Variants in DPP6 observed in about 807,000 individuals in gnomAD.
DPP6 encodes A-type potassium channel modulatory protein DPP6.
In DPP6, 69 loss-of-function variants were observed where a neutral mutation model predicts 122.6. The ratio of observed to expected loss-of-function variants is 0.56; its 90% CI spans 0.46 to 0.69. The LOEUF (loss-of-function observed/expected upper bound fraction) is 0.69. Among genes scored for constraint, DPP6 ranks in the 30% least tolerant of loss-of-function variants. The probability of loss-of-function intolerance (pLI) is 0.00; values close to 1 mark genes in which losing one functional copy is unlikely to be tolerated. For missense variants in DPP6, 928 were observed against 1,116.9 expected (o/e 0.83, Z 2.41); for synonymous variants, 418 against 433.1 (o/e 0.97, Z 0.43).
intron 4 of DPP6, among the ~76,000 whole-genome samples, chr7:154,564,652 A>G (rs1249092165): frequency 2.6e-4 from 39 of 152,238 alleles, no homozygotes; most frequent in Admixed American, 2.6e-3. Flanking sequence ...CTTCATTACA[A>G]CATTGTTTAT....
At chr7:154,681,953 G>A (rs1482691261) in intron 7 of DPP6, among the ~76,000 whole-genome samples, 3 of 152,158 alleles carry the variant, frequency 2.0e-5, no homozygotes, top group Non-Finnish European at 4.4e-5. Context: ...TTAGACTTTT[G>A]TCTTCCACAG....
chr7:154,200,452 G>A (rs938234314), intron 1 of DPP6, among the ~76,000 whole-genome samples: 14 of 152,278 alleles, frequency 9.2e-5, no homozygotes, highest in Non-Finnish European at 1.0e-4. Flanking sequence ...GGTGAGAACC[G>A]CCGGGTGGAG....
At chr7:153,918,219 TTGAC>T (rs1263130430) in intron 1 of DPP6, among the ~76,000 whole-genome samples, 1 of 152,194 alleles carries the variant, frequency 6.6e-6, no homozygotes, top group Non-Finnish European at 1.5e-5. Flanking sequence ...CTAGGACACT[TTGAC>T]TGCTGTGAAA....
intron 1 of DPP6, among the ~76,000 whole-genome samples, chr7:153,933,429 A>G (rs1223008145): frequency 1.3e-5 from 2 of 152,162 alleles, no homozygotes; most frequent in East Asian, 1.9e-4. Context: ...ATGTTTATTT[A>G]TAATAACTAG....
Position 154,481,340 on chromosome 7 carries a change from GA to G in DPP6, c.457+6304del, listed in dbSNP as rs1823258491. 2.2e-5 allele frequency among the ~76,000 whole-genome samples: 2 copies of G among 89,414 alleles called. No homozygotes were observed. Among genetic ancestry groups the G allele is most frequent in the South Asian group, 5.2e-4 (1 of 1,932 alleles). The allele number at this position is 89,414 out of a possible 152,430, so 58.7% of individuals were successfully genotyped here. ...CGAGCTATACACTTGGAGAGAGAGA[GA>G]GAGGGGTGTGTGTGTGTGTGTGTGT... On this transcript the variant is annotated intron_variant, in intron 3 of 25. Transcript: ENST00000377770. This position sits in a 1 kb window ranked among gnomAD's most constrained non-coding sequence, Gnocchi z 4.2.
chr7:154,039,440 A>G lies in DPP6; in HGVS notation c.51+151706A>G, dbSNP rs867813348. On this transcript the variant is annotated intron_variant, in intron 1 of 25. Coordinates refer to the DPP6 transcript ENST00000404039. ...CTCCAAGGTCCTCAGTGTATTTGCA[A>G]TTTCCTCAGAGTCTGTCAGCCATCA... Among the ~76,000 whole-genome samples the G allele has an allele frequency of 3.6e-3, 206 of 57,704 alleles. 6 individuals are homozygous for G. Among genetic ancestry groups the G allele is most frequent in the African/African-American group, 0.018 (195 of 10,784 alleles). 37.9% of individuals were successfully genotyped at this position (57,704 alleles called of 152,430 possible).
the DPP6 span, among the ~76,000 whole-genome samples, chr7:153,864,672 TACACACACACACACACAC>T: frequency 3.8e-3 from 510 of 135,274 alleles, 1 homozygote; most frequent in African/African-American, 0.012. Flanking sequence ...ATAATAATAA[TACACACACACACACACAC>T]ACACACACAC....
chr7:154,465,364 C>A (rs1374525940), intron 2 of DPP6, among the ~76,000 whole-genome samples: 3 of 152,092 alleles, frequency 2.0e-5, no homozygotes, highest in African/African-American at 7.2e-5. Flanking sequence ...CAAGTGGGAT[C>A]TAATTAAACT....
intron 1 of DPP6, among the ~76,000 whole-genome samples, chr7:154,083,551 C>T (rs1295957751): frequency 6.6e-6 from 1 of 150,708 alleles, no homozygotes; most frequent in Non-Finnish European, 1.5e-5. Flanking sequence ...CCCTAAGCCA[C>T]AGCTCAAAAT....
intron 7 of DPP6, among the ~76,000 whole-genome samples, chr7:154,703,981 CATAG>C (rs1159473210): frequency 2.0e-5 from 3 of 152,076 alleles, no homozygotes; most frequent in African/African-American, 7.2e-5. Flanking sequence ...CTATAGCTGC[CATAG>C]ATAGTGATTC....
chr7:153,869,948 T>C, the DPP6 span, among the ~76,000 whole-genome samples: 1 of 152,194 alleles, frequency 6.6e-6, no homozygotes, highest in Non-Finnish European at 1.5e-5. Flanking sequence ...GGGTTGAAAA[T>C]TCTTTTCTTT....
chr7:154,353,510 G>T (rs1432551682), intron 1 of DPP6, among the ~76,000 whole-genome samples: 1 of 152,188 alleles, frequency 6.6e-6, no homozygotes, highest in Non-Finnish European at 1.5e-5. Context: ...CCTGACAATT[G>T]AGTGATGGAA....
the DPP6 span, among the ~76,000 whole-genome samples, chr7:153,850,554 C>G: frequency 4.3e-4 from 66 of 152,234 alleles, 1 homozygote; most frequent in African/African-American, 1.6e-3. Flanking sequence ...GTATATTAGT[C>G]TGTTCTCATG....
intron 1 of DPP6, among the ~76,000 whole-genome samples, chr7:154,221,301 C>A (rs1485928839): frequency 6.6e-6 from 1 of 152,116 alleles, no homozygotes; most frequent in African/African-American, 2.4e-5. Context: ...CCACCATGCC[C>A]AGCTAATTTT....
At chr7:154,004,491 C>T (rs371972491) in intron 1 of DPP6, among the ~76,000 whole-genome samples, 4,860 of 151,326 alleles carry the variant, frequency 0.032, 95 homozygotes, top group South Asian at 0.08. Flanking sequence ...TGGAAACTCT[C>T]GATGAAGGAA....
chr7:153,970,024 GTTA>G (rs758238333), intron 1 of DPP6, among the ~76,000 whole-genome samples: 10 of 152,248 alleles, frequency 6.6e-5, no homozygotes, highest in Non-Finnish European at 1.2e-4. Context: ...TCAATTCTTT[GTTA>G]TTATTATGTA....
At chr7:154,559,273 GA>G (rs201775434) in intron 4 of DPP6, among the ~76,000 whole-genome samples, 1,182 of 49,034 alleles carry the variant, frequency 0.024, 35 homozygotes, top group East Asian at 0.18. Flanking sequence ...TACCACAGAA[GA>G]AAAAAAAAAA....
the DPP6 span, among the ~76,000 whole-genome samples, chr7:153,767,277 A>G: frequency 6.6e-6 from 1 of 152,202 alleles, no homozygotes; most frequent in African/African-American, 2.4e-5. Context: ...CAAATTGTGT[A>G]AAATGCTACA....
chr7:153,944,299 T>C (rs78322563), intron 1 of DPP6, among the ~76,000 whole-genome samples: 4,953 of 152,202 alleles, frequency 0.033, 288 homozygotes, highest in African/African-American at 0.11. Context: ...GAGTGAGTTC[T>C]TTTTTGGCAG....
Sources: allele counts gnomAD v4.1 joint callset (sites outside exome capture counted in the v4.1 genomes callset), GRCh38; gene constraint gnomAD v4.1.1; non-coding constraint Gnocchi (gnomAD v3.1); transcripts MANE v1.5; gene names NCBI Gene and HGNC (gene_info 2026-07-23, HGNC 2026-07-21).